Variants in STK24 observed in about 807,000 individuals in gnomAD.
The protein encoded by STK24 is serine/threonine kinase 24.
STK24 carries 21 observed loss-of-function variants against 55.6 expected under a neutral mutation model. The observed-to-expected ratio is 0.38, with a 90% CI of 0.27 to 0.54. The LOEUF (loss-of-function observed/expected upper bound fraction) is 0.54. STK24 is among the 20% of genes least tolerant of loss of function. STK24 has a pLI of 0.79. For missense variants in STK24, 383 were observed against 538.4 expected (o/e 0.71, Z 2.86); for synonymous variants, 200 against 215.2 (o/e 0.93, Z 0.62).
At chr13:98,534,558 G>A (rs777455867) in intron 1 of STK24, among the ~76,000 whole-genome samples, 20 of 152,158 alleles carry the variant, frequency 1.3e-4, no homozygotes, top group Non-Finnish European at 1.9e-4. Flanking sequence ...GCAGGCCGGA[G>A]GCTACAAGAT....
chr13:98,558,742 C>T (rs1699654932), intron 1 of STK24, among the ~76,000 whole-genome samples: 1 of 152,162 alleles, frequency 6.6e-6, no homozygotes, highest in African/African-American at 2.4e-5. Flanking sequence ...AACAAAGTTA[C>T]AAGTGAAATC....
At chr13:98,563,213 C>A (rs1419709083) in intron 1 of STK24, among the ~76,000 whole-genome samples, 4 of 152,172 alleles carry the variant, frequency 2.6e-5, no homozygotes, top group Non-Finnish European at 5.9e-5. Flanking sequence ...AAGGCTAGCA[C>A]CGATGGCCCC....
At chr13:98,570,272 C>A (rs904763281) in intron 1 of STK24, among the ~76,000 whole-genome samples, 1 of 152,118 alleles carries the variant, frequency 6.6e-6, no homozygotes, top group African/African-American at 2.4e-5. Context: ...TAAGAAATGG[C>A]GGGAGGTGGA....
rs1893054985 is a variant in STK24 at position 98,449,107 on chromosome 13, G to A, written c.*4066C>T. The A allele has an allele frequency of 6.6e-6, 1 of 151,482 alleles. No individual in the cohort carries two copies. The highest frequency in any genetic ancestry group is 6.6e-5 in the Admixed American group (1 of 15,246). 9.4% of individuals were successfully genotyped at this position (151,482 alleles called of 1,614,324 possible). A position where few individuals can be genotyped will look rare whatever the true frequency, so the allele number is the denominator to read the frequency against. The stretch of plus-strand genomic sequence containing the variant: ...AGATAATAAGCCGTGGTGTTTTGCT[G>A]TCTGTCTGTGTCACAAGCATGAAAA... On this transcript the variant is annotated 3_prime_UTR_variant, in exon 11 of 11. Coordinates refer to ENST00000539966, the MANE Select transcript of STK24 (RefSeq NM_001032296.4).
In STK24 at chr13:98,479,508, C is replaced by T. The variant is rs7987918; in HGVS notation, c.330+2757G>A. Among the ~76,000 whole-genome samples the T allele has an allele frequency of 7.8e-3, 1,195 of 152,332 alleles. 17 individuals carry two copies. Among genetic ancestry groups the T allele is most frequent in the African/African-American group, 0.027 (1,121 of 41,572 alleles). ...GCACCCCTGCCAGCTGAGGGATGCC[C>T]ATGCCCAACAGCAGACCTGGGCTCA... On this transcript the variant is annotated intron_variant, in intron 3 of 10. Coordinates refer to ENST00000539966, the MANE Select transcript of STK24 (RefSeq NM_001032296.4).
chr13:98,512,671 A>G (rs550711816), intron 2 of STK24, among the ~76,000 whole-genome samples: 1 of 152,280 alleles, frequency 6.6e-6, no homozygotes, highest in East Asian at 1.9e-4. Flanking sequence ...CAAAATATAA[A>G]GCCAGATAAT....
intron 1 of STK24, among the ~76,000 whole-genome samples, chr13:98,532,259 G>A (rs1896599561): frequency 6.6e-6 from 1 of 152,022 alleles, no homozygotes; most frequent in South Asian, 2.1e-4. Flanking sequence ...AGGGGAGGAG[G>A]CACCTCCCGG....
chr13:98,493,745 C>A (rs1388320232), intron 2 of STK24, among the ~76,000 whole-genome samples: 1 of 151,942 alleles, frequency 6.6e-6, no homozygotes, highest in Non-Finnish European at 1.5e-5. Flanking sequence ...AGCATTAATT[C>A]TTTCAAGACC....
chr13:98,547,910 C>A (rs973844900), intron 1 of STK24, among the ~76,000 whole-genome samples: 2 of 152,236 alleles, frequency 1.3e-5, no homozygotes, highest in Non-Finnish European at 2.9e-5. Context: ...CTTATCCACA[C>A]AGAGCAAACT....
intron 2 of STK24, among the ~76,000 whole-genome samples, chr13:98,494,679 T>C (rs1318050031): frequency 2.0e-5 from 3 of 152,154 alleles, no homozygotes; most frequent in Non-Finnish European, 4.4e-5. Flanking sequence ...TCCTACCTTT[T>C]GCTACTTCAT....
rs955402680 is a variant in STK24 at position 98,448,181 on chromosome 13, G to GTGTC, written c.*4988_*4991dup. 1.4e-6 allele frequency: 2 copies of GTGTC among 1,443,324 alleles called. No homozygotes were observed. Among genetic ancestry groups the GTGTC allele is most frequent in the South Asian group, 1.1e-5 (1 of 87,526 alleles). The allele number at this position is 1,443,324 out of a possible 1,614,324, so 89.4% of individuals were successfully genotyped here. On this transcript the variant is annotated 3_prime_UTR_variant, in exon 11 of 11. Transcript: ENST00000539966. The stretch of plus-strand genomic sequence containing the variant: ...GTTTCTGTAAGCGATGCCCACCAAA[G>GTGTC]TGTCAGGAGTCCGTCCAAACAAAAG...
intron 2 of STK24, among the ~76,000 whole-genome samples, chr13:98,492,430 A>G (rs1346010207): frequency 1.3e-5 from 2 of 152,296 alleles, no homozygotes; most frequent in Middle Eastern, 3.4e-3. Context: ...GCTTTTGGAA[A>G]TGAGTATGTG....
intron 1 of STK24, among the ~76,000 whole-genome samples, chr13:98,528,613 CTA>C (rs1896497739): frequency 6.6e-6 from 1 of 152,166 alleles, no homozygotes; most frequent in Non-Finnish European, 1.5e-5. Flanking sequence ...TAAAATTGTT[CTA>C]TGATGACTGA....
chr13:98,453,961 C>T (rs1169382917), intron 10 of STK24: 4 of 152,110 alleles, frequency 2.6e-5, no homozygotes, highest in East Asian at 3.8e-4. Context: ...GCCCCAAATC[C>T]GAAATCTGAC....
At chr13:98,524,442 G>A (rs899315109) in intron 1 of STK24, among the ~76,000 whole-genome samples, 5 of 152,168 alleles carry the variant, frequency 3.3e-5, no homozygotes, top group African/African-American at 7.2e-5. Context: ...AAGAGAGCAC[G>A]GCACCGGATA....
rs1462752294 is a variant in STK24, at chr13:98,474,971, G to A, written c.447C>T (p.Asn149=). The A allele has an allele frequency of 8.7e-6, 14 of 1,610,278 alleles. No individual in the cohort carries two copies. The highest frequency in any genetic ancestry group is 3.3e-4 in the Middle Eastern group (2 of 6,062). The part of the protein sequence containing the change: ...KKIHRDIKAA[N]VLLSEHGEVK... ...CCTCGCCATGCTCAGACAGCAGGAC[G>A]TTGGCCGCTGCAAAAGAAAGCCAAG... The change falls in exon 5 of 11, where the codon AAC becomes AAT. Residue 149 remains asparagine (N), a synonymous_variant. Transcript: ENST00000539966.
intron 1 of STK24, among the ~76,000 whole-genome samples, chr13:98,537,684 G>C (rs781450463): frequency 6.6e-6 from 1 of 152,128 alleles, no homozygotes; most frequent in African/African-American, 2.4e-5. Context: ...AGGAGGTGGC[G>C]ATCTTTATAG....
chr13:98,461,468 AGTCAT>A (rs1893701453), intron 8 of STK24, among the ~76,000 whole-genome samples: 1 of 152,254 alleles, frequency 6.6e-6, no homozygotes, highest in Admixed American at 6.5e-5. Context: ...AGAGCTATGA[AGTCAT>A]TTCACGGGTC....
intron 1 of STK24, among the ~76,000 whole-genome samples, chr13:98,536,835 C>A (rs1298567976): frequency 3.3e-5 from 5 of 152,018 alleles, no homozygotes. Context: ...ACTCCTCCGC[C>A]TGTCCTCCAG....
Sources: allele counts gnomAD v4.1 joint callset (sites outside exome capture counted in the v4.1 genomes callset), GRCh38; gene constraint gnomAD v4.1.1; transcripts MANE v1.5; gene names NCBI Gene and HGNC (gene_info 2026-07-23, HGNC 2026-07-21).